The following TMEM220 variants were observed in gnomAD, a reference collection of about 807,000 sequenced individuals.
TMEM220 encodes transmembrane protein 220.
TMEM220 carries 21 observed loss-of-function variants against 21.7 expected under a neutral mutation model. That is an observed-to-expected ratio of 0.97 (90% CI 0.69 to 1.39). TMEM220 has a LOEUF of 1.39. TMEM220 is among the 40% of genes most tolerant of loss of function. The probability of loss-of-function intolerance (pLI) is 0.00; values close to 1 mark genes in which losing one functional copy is unlikely to be tolerated. For synonymous variants in TMEM220, 80 were observed against 73.6 expected (o/e 1.09, Z -0.45); for missense variants, 191 against 201.9 (o/e 0.95, Z 0.33).
At chr17:10,713,031 G>T (rs1271171785), downstream of TMEM220, among the ~76,000 whole-genome samples, 1 of 152,142 alleles carries the variant, frequency 6.6e-6, no homozygotes, top group Non-Finnish European at 1.5e-5. Context: ...AGCACTTTGG[G>T]AGGCCGAGGT....
At chr17:10,725,219 G>C (rs771657938) in intron 3 of TMEM220, 85 bp from the exon 4 acceptor site, 4 of 1,558,510 alleles carry the variant, frequency 2.6e-6, no homozygotes, top group Admixed American at 1.8e-5. Context: ...TTTTGCCATA[G>C]TCTGCTTTCA....
At chr17:10,728,964 C>T (rs996364172) in intron 2 of TMEM220, 67 bp downstream of exon 2, 2 of 1,545,172 alleles carry the variant, frequency 1.3e-6, no homozygotes, top group Non-Finnish European at 1.8e-6. Context: ...AGACATAAAA[C>T]CGTGTGTTTT....
chr17:10,720,924 G>T (rs1480120817), intron 5 of TMEM220, among the ~76,000 whole-genome samples: 1 of 152,158 alleles, frequency 6.6e-6, no homozygotes, highest in African/African-American at 2.4e-5. Flanking sequence ...ATGATTAAAA[G>T]GAGATCCAGA....
intron 1 of TMEM220, 25 bp from the exon 2 acceptor site, chr17:10,729,085 T>A: frequency 6.2e-7 from 1 of 1,613,948 alleles, no homozygotes; most frequent in South Asian, 1.1e-5. Context: ...TACCAAGGTG[T>A]TAGCAGACAT....
At chr17:10,716,576 C>A in intron 5 of TMEM220, 1 of 521,434 alleles carries the variant, frequency 1.9e-6, no homozygotes, top group South Asian at 1.5e-5. Flanking sequence ...GGTCTGCACC[C>A]AACACTCTGT....
intron 5 of TMEM220, among the ~76,000 whole-genome samples, chr17:10,720,371 A>G (rs1016009724): frequency 2.0e-5 from 3 of 152,242 alleles, no homozygotes; most frequent in Admixed American, 1.3e-4. Context: ...AAGTTTTTCT[A>G]TACTATAGAA....
chr17:10,723,118 C>A (rs1442826293), intron 5 of TMEM220, 152 bp downstream of exon 5: 6 of 637,430 alleles, frequency 9.4e-6, no homozygotes, highest in Non-Finnish European at 1.7e-5. Context: ...GTAGCTGGGA[C>A]TACAGGCGCG....
At chr17:10,716,415 C>T in intron 5 of TMEM220, 1 of 652,000 alleles carries the variant, frequency 1.5e-6, no homozygotes, top group Non-Finnish European at 2.9e-6. Flanking sequence ...GTTGGCTTAT[C>T]TTAATTTCCC....
chr17:10,721,200 T>C (rs572792425), intron 5 of TMEM220, among the ~76,000 whole-genome samples: 2 of 152,216 alleles, frequency 1.3e-5, no homozygotes, highest in African/African-American at 4.8e-5. Flanking sequence ...AAAGGTTTAC[T>C]AGGGTCATGT....
At chr17:10,723,191 G>T in intron 5 of TMEM220, 79 bp downstream of exon 5, 2 of 1,224,366 alleles carry the variant, frequency 1.6e-6, no homozygotes, top group African/African-American at 3.0e-5. Context: ...ATATTGGCCA[G>T]GATGGTCTTG....
chr17:10,727,610 A>C (rs1487081810), intron 2 of TMEM220, among the ~76,000 whole-genome samples: 2 of 152,234 alleles, frequency 1.3e-5, no homozygotes, highest in Non-Finnish European at 2.9e-5. Flanking sequence ...GATACGGACC[A>C]GGGTGCCAAG....
At chr17:10,711,143 AGTCT>A, downstream of TMEM220, 1 of 1,593,430 alleles carries the variant, frequency 6.3e-7, no homozygotes. Context: ...TTCCATTGTT[AGTCT>A]AATTTATTTT....
At chr17:10,720,260 G>A (rs1291585839) in intron 5 of TMEM220, among the ~76,000 whole-genome samples, 2 of 152,124 alleles carry the variant, frequency 1.3e-5, no homozygotes. Context: ...TATGCATATG[G>A]CTATTAACTG....
At chr17:10,725,561 T>A (rs2075040623) in intron 3 of TMEM220, among the ~76,000 whole-genome samples, 1 of 152,148 alleles carries the variant, frequency 6.6e-6, no homozygotes, top group Admixed American at 6.5e-5. Context: ...CAGTCCATAT[T>A]CCACTGGACG....
rs2074906732 is a variant in TMEM220 at position 10,715,592 on chromosome 17, TAA to T, written c.348-6_348-5del. 2.6e-6 allele frequency: 4 copies of T among 1,565,882 alleles called. No individual in the cohort carries two copies. Among genetic ancestry groups the T allele is most frequent in the Non-Finnish European group, 1.7e-6 (2 of 1,166,478 alleles). Reference sequence around the variant, plus strand: ...AATTCTTCCACCAACTGGATTCCTATAAAGACACAAAAATTATTATAAATAAA... The same window carrying T: ...AATTCTTCCACCAACTGGATTCCTATAGACACAAAAATTATTATAAATAAA... On this transcript the variant is annotated splice_region_variant and splice_polypyrimidine_tract_variant and intron_variant, in intron 5 of 5. Transcript: ENST00000341871.
intron 5 of TMEM220, among the ~76,000 whole-genome samples, chr17:10,716,761 C>G (rs1227649292): frequency 6.6e-6 from 1 of 152,170 alleles, no homozygotes; most frequent in African/African-American, 2.4e-5. Context: ...AGTCAAAACC[C>G]TACATATGTA....
intron 2 of TMEM220, chr17:10,726,472 C>G: frequency 1.7e-6 from 1 of 601,280 alleles, no homozygotes; most frequent in East Asian, 2.8e-5. Flanking sequence ...TACCTTCCTC[C>G]TAGACTATAG....
intron 5 of TMEM220, chr17:10,716,361 A>G: frequency 1.6e-6 from 1 of 643,166 alleles, no homozygotes. Context: ...TTTTATGTAC[A>G]TAAGCCTCTT....
intron 2 of TMEM220, 199 bp from the exon 3 acceptor site, chr17:10,726,463 A>G: frequency 1.6e-6 from 1 of 608,344 alleles, no homozygotes; most frequent in Non-Finnish European, 3.0e-6. Flanking sequence ...AATTTTATCT[A>G]CCTTCCTCCT....
Sources: gnomAD v4.1 joint callset for allele counts (sites outside exome capture counted in the v4.1 genomes callset) on GRCh38, gnomAD v4.1.1 for gene constraint, MANE v1.5 for transcripts, NCBI Gene and HGNC (gene_info 2026-07-23, HGNC 2026-07-21) for gene names.